The following CNTN4 variants were observed in gnomAD, a reference collection of about 807,000 sequenced individuals.
CNTN4 encodes contactin-4.
A neutral mutation model predicts 122.5 loss-of-function variants in CNTN4; 77 were observed. That is an observed-to-expected ratio of 0.63 (90% confidence interval 0.52 to 0.76). The LOEUF is 0.76. Ranked by LOEUF, CNTN4 falls within the 30% of genes least tolerant of loss-of-function variation. The probability of loss-of-function intolerance (pLI) is 0.00; values close to 1 mark genes in which losing one functional copy is unlikely to be tolerated. For missense variants in CNTN4, 1,256 were observed against 1,259.1 expected (o/e 1.00, Z 0.04); for synonymous variants, 512 against 447.0 (o/e 1.15, Z -1.83).
At chr3:2,745,475 T>C in intron 5 of CNTN4, 47 bp from the exon 6 acceptor site, 1 of 1,408,032 alleles carries the variant, frequency 7.1e-7, no homozygotes, top group Non-Finnish European at 1.0e-6. Flanking sequence ...TTCAGAAATA[T>C]TGATTAATAT....
chr3:2,434,054 T>C (rs1022679502), intron 3 of CNTN4, among the ~76,000 whole-genome samples: 1 of 152,136 alleles, frequency 6.6e-6, no homozygotes, highest in African/African-American at 2.4e-5. Context: ...AAGTTTAATT[T>C]AGACAGGAGG....
intron 14 of CNTN4, among the ~76,000 whole-genome samples, chr3:3,019,779 TA>T (rs1698119419): frequency 2.3e-5 from 2 of 88,804 alleles, no homozygotes; most frequent in Non-Finnish European, 4.7e-5. Context: ...TATATATATA[TA>T]TATATATATA....
chr3:2,276,985 C>T (rs191273782), intron 2 of CNTN4, among the ~76,000 whole-genome samples: 1 of 152,160 alleles, frequency 6.6e-6, no homozygotes, highest in East Asian at 1.9e-4. Flanking sequence ...CCATATGCCA[C>T]AGGATGGCTC....
chr3:2,470,869 G>A (rs566351570), intron 3 of CNTN4, among the ~76,000 whole-genome samples: 17 of 152,280 alleles, frequency 1.1e-4, no homozygotes, highest in African/African-American at 3.4e-4. Context: ...TGTTTGAGAC[G>A]TCTGGTATAT....
chr3:2,446,850 G>A (rs1247616234), intron 3 of CNTN4, among the ~76,000 whole-genome samples: 1 of 152,184 alleles, frequency 6.6e-6, no homozygotes, highest in Non-Finnish European at 1.5e-5. Context: ...ATTGGAGAAA[G>A]CCAAGTTAAA....
intron 13 of CNTN4, among the ~76,000 whole-genome samples, chr3:2,958,993 T>A (rs573938089): frequency 3.9e-5 from 6 of 152,320 alleles, no homozygotes; most frequent in African/African-American, 1.4e-4. Flanking sequence ...GGGTCAGTAG[T>A]CATTTGAGTA....
At chr3:3,016,448 C>T (rs1336755573) in intron 14 of CNTN4, among the ~76,000 whole-genome samples, 1 of 152,200 alleles carries the variant, frequency 6.6e-6, no homozygotes, top group African/African-American at 2.4e-5. Flanking sequence ...GCTACTGAAG[C>T]ATGGCACAAA....
At chr3:2,349,094 A>G (rs2044511252) in intron 3 of CNTN4, among the ~76,000 whole-genome samples, 1 of 152,176 alleles carries the variant, frequency 6.6e-6, no homozygotes, top group South Asian at 2.1e-4. Flanking sequence ...ATTGCAATAA[A>G]TGTTTTACCC....
chr3:2,565,642 T>A (rs947179525), intron 3 of CNTN4, among the ~76,000 whole-genome samples: 2 of 152,234 alleles, frequency 1.3e-5, no homozygotes, highest in Admixed American at 6.5e-5. Flanking sequence ...TCTTCATATT[T>A]TGCATTTTAC....
intron 13 of CNTN4, among the ~76,000 whole-genome samples, chr3:2,986,348 C>T (rs111503091): frequency 1.3e-5 from 2 of 152,300 alleles, no homozygotes; most frequent in African/African-American, 4.8e-5. Flanking sequence ...AGTTCTGTTT[C>T]ATAGAAGAGG....
At chr3:2,983,516 A>T (rs1185978038) in intron 13 of CNTN4, among the ~76,000 whole-genome samples, 2 of 152,156 alleles carry the variant, frequency 1.3e-5, no homozygotes, top group Non-Finnish European at 1.5e-5. Context: ...TGGTCTATTC[A>T]TGAGTGTCTC....
At position 2,944,819 on chromosome 3, in the gene CNTN4, A is replaced by G. The variant is rs544723603; in HGVS notation, c.1358+19040A>G. On this transcript the variant is annotated intron_variant, in intron 13 of 24. Coordinates refer to ENST00000418658, the MANE Select transcript of CNTN4 (RefSeq NM_175607.3). ...GTTTATAGGGGAGTGCTCTCTGAGGATACACCTGCAGGGAAGTGAGAAAGG... is the reference window on the plus strand; with the variant it reads ...GTTTATAGGGGAGTGCTCTCTGAGGGTACACCTGCAGGGAAGTGAGAAAGG... Among the ~76,000 whole-genome samples the G allele has an allele frequency of 1.7e-3, 259 of 152,296 alleles. 5 individuals are homozygous for G. The highest frequency in any genetic ancestry group is 2.3e-3 in the East Asian group (12 of 5,184).
chr3:2,631,865 C>CAAAAA (rs1157671569), intron 4 of CNTN4, among the ~76,000 whole-genome samples: 714 of 70,040 alleles, frequency 0.01, 36 homozygotes, highest in African/African-American at 0.017. Context: ...CGTATCTCTA[C>CAAAAA]AAAAAAAAAA....
At chr3:2,752,170 T>G (rs2090127306) in intron 6 of CNTN4, among the ~76,000 whole-genome samples, 1 of 152,212 alleles carries the variant, frequency 6.6e-6, no homozygotes, top group African/African-American at 2.4e-5. Context: ...TACAAAAACT[T>G]AATTGACTCA....
At chr3:2,863,282 G>A (rs2093688859) in intron 7 of CNTN4, among the ~76,000 whole-genome samples, 2 of 152,010 alleles carry the variant, frequency 1.3e-5, no homozygotes, top group South Asian at 2.1e-4. Context: ...GGAGCTTAGT[G>A]CTTAGGCCAA....
chr3:2,981,722 T>C (rs1342220543), intron 13 of CNTN4, among the ~76,000 whole-genome samples: 3 of 152,246 alleles, frequency 2.0e-5, no homozygotes, highest in Admixed American at 6.5e-5. Flanking sequence ...AATGCTAGCT[T>C]TATAGCTTAT....
intron 13 of CNTN4, among the ~76,000 whole-genome samples, chr3:2,987,074 G>A (rs908709812): frequency 1.3e-5 from 2 of 152,220 alleles, no homozygotes; most frequent in African/African-American, 4.8e-5. Context: ...TCCTGAAGGT[G>A]AGAAGGTGAC....
At chr3:2,329,321 A>G (rs974601860) in intron 2 of CNTN4, among the ~76,000 whole-genome samples, 34 of 152,176 alleles carry the variant, frequency 2.2e-4, no homozygotes, top group African/African-American at 8.2e-4. Context: ...GTCAGTGGAA[A>G]TGTTTTCTGC....
intron 2 of CNTN4, among the ~76,000 whole-genome samples, chr3:2,233,111 T>G (rs566451596): frequency 4.9e-5 from 3 of 60,960 alleles, no homozygotes; most frequent in South Asian, 1.3e-3. Context: ...ATTATATTTT[T>G]AAACTAATGG....
Sources: gnomAD v4.1 joint callset for allele counts (sites outside exome capture counted in the v4.1 genomes callset) on GRCh38, gnomAD v4.1.1 for gene constraint, MANE v1.5 for transcripts, NCBI Gene and HGNC (gene_info 2026-07-23, HGNC 2026-07-21) for gene names.